DLAT: variants seen among roughly 807,000 people sequenced by gnomAD.
DLAT encodes the protein dihydrolipoamide S-acetyltransferase.
In DLAT, 43 loss-of-function variants were observed where a neutral mutation model predicts 68.0. The observed-to-expected ratio is 0.63, with a 90% CI of 0.50 to 0.81. The LOEUF (loss-of-function observed/expected upper bound fraction) is 0.81, where lower values mean the gene tolerates loss of function less well. DLAT is among the 40% of genes least tolerant of loss of function. DLAT has a pLI of 0.00. For missense variants in DLAT, 745 were observed against 815.4 expected (o/e 0.91, Z 1.05); for synonymous variants, 265 against 288.6 (o/e 0.92, Z 0.83).
chr11:112,040,363 A>G (rs1862988120), intron 7 of DLAT, among the ~76,000 whole-genome samples: 1 of 152,196 alleles, frequency 6.6e-6, no homozygotes, highest in African/African-American at 2.4e-5. Flanking sequence ...GGATAAGAAA[A>G]CAGACTCTCA....
intron 2 of DLAT, among the ~76,000 whole-genome samples, chr11:112,027,444 C>T (rs1862119142): frequency 1.3e-5 from 2 of 151,518 alleles, no homozygotes; most frequent in Non-Finnish European, 2.9e-5. Context: ...GGGCTCCTCA[C>T]GTCCCAGACG....
chr11:112,057,530 T>C (rs1864171640), intron 11 of DLAT, among the ~76,000 whole-genome samples: 1 of 152,252 alleles, frequency 6.6e-6, no homozygotes, highest in Non-Finnish European at 1.5e-5. Context: ...TTGTTGCTGA[T>C]ACGGAGAAAG....
At chr11:112,025,782 C>T (rs149272698) in intron 1 of DLAT, 31 bp downstream of exon 1, 2 of 1,611,774 alleles carry the variant, frequency 1.2e-6, no homozygotes, top group South Asian at 2.2e-5. Flanking sequence ...CTCGGGACCC[C>T]GTTGTCCTTC....
In DLAT at chr11:112,039,318, A is replaced by G; in HGVS notation, c.1050A>G (p.Gly350=). 1 of 1,614,122 alleles carries G rather than the reference A, an allele frequency of 6.2e-7. No homozygotes were observed. Among genetic ancestry groups the G allele is most frequent in the Non-Finnish European group, 8.5e-7 (1 of 1,180,000 alleles). ...CACCCTGCCCAGCTACTCCTGCTGG[A>G]CCAAAGGGAAGGGTGTTTGTTAGCC... ...PSAPCPATPA[G]PKGRVFVSPL... Residue 350 remains glycine, a synonymous_variant, in exon 7 of 14, where the codon GGA becomes GGG. Transcript: ENST00000280346.
intron 2 of DLAT, 22 bp from the exon 3 acceptor site, chr11:112,028,493 C>T (rs377727789): frequency 3.2e-5 from 52 of 1,610,870 alleles, no homozygotes; most frequent in Non-Finnish European, 4.1e-5. Flanking sequence ...CAAACCTGAG[C>T]TACTGCTTTT....
chr11:112,039,541 A>C, intron 7 of DLAT, 144 bp downstream of exon 7: 2 of 897,824 alleles, frequency 2.2e-6, no homozygotes. Context: ...CAGAAGGGAG[A>C]AATAGTTCTT....
chr11:112,033,581 G>A, intron 5 of DLAT, 51 bp downstream of exon 5: 2 of 1,605,972 alleles, frequency 1.2e-6, no homozygotes, highest in Non-Finnish European at 1.7e-6. Context: ...TCCCAATGAG[G>A]AAGAGGATTG....
At chr11:112,039,148 A>G (rs1255534960) in intron 6 of DLAT, 96 bp from the exon 7 acceptor site, 3 of 1,199,464 alleles carry the variant, frequency 2.5e-6, no homozygotes, top group Non-Finnish European at 3.5e-6. Flanking sequence ...ATTTAATTAA[A>G]ATAGTTTTAA....
chr11:112,048,516 G>T (rs1863444568), intron 10 of DLAT, among the ~76,000 whole-genome samples: 1 of 152,136 alleles, frequency 6.6e-6, no homozygotes, highest in Admixed American at 6.5e-5. Flanking sequence ...GAATAGGAGT[G>T]GTGAGAGAGA....
rs1555181246 is a variant in DLAT at position 112,044,273 on chromosome 11, C to G, written c.1197+740C>G. 2.0e-5 allele frequency among the ~76,000 whole-genome samples: 3 copies of G among 152,200 alleles called. No individual in the cohort carries two copies. The South Asian group carries it at 6.2e-4, about 32-fold the overall frequency. On this transcript the variant is annotated intron_variant, in intron 8 of 13. Transcript: ENST00000280346. ...GCAGTGGCGCGATCTTGGCTCATTG[C>G]AACCTCTGCCTCCTGGATTCAGGCG...
intron 4 of DLAT, chr11:112,030,157 C>A: frequency 1.5e-6 from 1 of 658,688 alleles, no homozygotes; most frequent in South Asian, 1.4e-5. Context: ...ATCATGAAAT[C>A]CTTTATGACC....
At chr11:112,035,583 G>A (rs1425489716) in intron 5 of DLAT, among the ~76,000 whole-genome samples, 8 of 151,684 alleles carry the variant, frequency 5.3e-5, no homozygotes, top group Non-Finnish European at 1.0e-4. Context: ...CTGCCTCCTG[G>A]GTTCAAGCGA....
At chr11:112,038,723 T>A (rs1163397336) in intron 6 of DLAT, among the ~76,000 whole-genome samples, 1 of 150,426 alleles carries the variant, frequency 6.6e-6, no homozygotes, top group Non-Finnish European at 1.5e-5. Flanking sequence ...GTGCGTGCCT[T>A]TAATCCCAGC....
intron 4 of DLAT, chr11:112,029,964 T>G (rs1403963369): frequency 1.0e-6 from 1 of 964,226 alleles, no homozygotes; most frequent in Non-Finnish European, 1.6e-6. Flanking sequence ...ATGCTTCCCA[T>G]CCAGCCAATC....
rs1447890904 is a variant in DLAT at position 112,061,355 on chromosome 11, A to T, written c.1814+181A>T. ...ATAACCTACACACATTATTCTGTAT[A>T]CTTTATTCTTGACTTATAATAATAC... On this transcript the variant is annotated intron_variant, in intron 13 of 13. Coordinates refer to ENST00000280346, the MANE Select transcript of DLAT (RefSeq NM_001931.5). 12 of 641,790 alleles carry T rather than the reference A, an allele frequency of 1.9e-5. No homozygotes were observed. In the East Asian group the frequency reaches 2.8e-4, roughly 15 times the overall value. The allele number at this position is 641,790 out of a possible 1,614,324, so 39.8% of individuals were successfully genotyped here. A position where few individuals can be genotyped will look rare whatever the true frequency, so the allele number is the denominator to read the frequency against.
chr11:112,027,865 G>A (rs1285445741), intron 2 of DLAT, among the ~76,000 whole-genome samples: 7 of 151,578 alleles, frequency 4.6e-5, no homozygotes, highest in African/African-American at 1.5e-4. Context: ...GTCCAGCTTC[G>A]GCTCAGCATC....
Position 112,045,143 on chromosome 11 carries a change from G to A in DLAT, c.1203G>A (p.Pro401=), listed in dbSNP as rs200907695. The part of the protein sequence containing the change: ...SFVPSKVAPA[P]AAVVPPTGPG... The stretch of plus-strand genomic sequence containing the variant: ...CTTTTTCTTTCCTCCCATAGGCTCC[G>A]GCAGCTGTTGTGCCTCCCACAGGTC... Residue 401 remains proline, a synonymous_variant, in exon 9 of 14, where the codon CCG becomes CCA. Transcript: ENST00000280346. 1.7e-5 allele frequency: 27 copies of A among 1,613,610 alleles called. No homozygotes were observed. Among genetic ancestry groups the A allele is most frequent in the East Asian group, 2.2e-5 (1 of 44,892 alleles).
At chr11:112,025,872 C>G in intron 1 of DLAT, 121 bp downstream of exon 1, 1 of 1,325,064 alleles carries the variant, frequency 7.5e-7, no homozygotes, top group Admixed American at 2.5e-5. Flanking sequence ...TGCTTTGGCC[C>G]TTTGTCCAAT....
chr11:112,032,203 T>A (rs1555180009), intron 4 of DLAT, among the ~76,000 whole-genome samples: 2 of 151,840 alleles, frequency 1.3e-5, no homozygotes, highest in African/African-American at 4.8e-5. Context: ...TCCTGTTTTA[T>A]TTTTTTGAAT....
Sources: gnomAD v4.1 joint callset for allele counts (sites outside exome capture counted in the v4.1 genomes callset) on GRCh38, gnomAD v4.1.1 for gene constraint, MANE v1.5 for transcripts, NCBI Gene and HGNC (gene_info 2026-07-23, HGNC 2026-07-21) for gene names.